PRDM15: variants seen among roughly 807,000 people sequenced by gnomAD.
PRDM15 encodes the protein PR domain zinc finger protein 15.
Under a neutral mutation model 128.6 loss-of-function variants are expected in PRDM15, and 64 were observed. The ratio of observed to expected loss-of-function variants is 0.50; its 90% CI spans 0.41 to 0.61. The LOEUF (loss-of-function observed/expected upper bound fraction) is 0.61, where lower values mean the gene tolerates loss of function less well. PRDM15 is among the 20% of genes least tolerant of loss of function. The pLI is 0.00. For missense variants in PRDM15, 1,242 were observed against 1,569.1 expected, an observed-to-expected ratio of 0.79 and a Z score of 3.52; for synonymous variants, 615 against 621.8, an observed-to-expected ratio of 0.99 and a Z score of 0.16.
At position 41,843,106 on chromosome 21, in the gene PRDM15, TG is replaced by T. The variant is rs2063124639; in HGVS notation, c.641-3254del. 4.0e-5 allele frequency among the ~76,000 whole-genome samples: 6 copies of T among 151,446 alleles called. No individual in the cohort carries two copies. In the South Asian group the frequency reaches 1.3e-3, roughly 32 times the overall value. Reference sequence around the variant, plus strand: ...GGCCTGATTTTTTTGTTTTTTTGTTTGTTTTTTTGTTTGTTTGTTTGTTTTA... The same window carrying T: ...GGCCTGATTTTTTTGTTTTTTTGTTTTTTTTTTGTTTGTTTGTTTGTTTTA... On this transcript the variant is annotated intron_variant, in intron 6 of 23. Coordinates refer to ENST00000398548, the MANE Select transcript of PRDM15 (RefSeq NM_001040424.3).
chr21:41,802,935 G>A lies in PRDM15; in HGVS notation c.2734-14C>T, dbSNP rs375875830. 149 of 1,611,964 alleles carry A rather than the reference G, an allele frequency of 9.2e-5. No homozygotes were observed. In the African/African-American group the frequency reaches 1.7e-3, roughly 18 times the overall value. The stretch of plus-strand genomic sequence containing the variant: ...AGTCAGCTCAGGCTGCAGAAAAATC[G>A]GTTTCAGCCGAGAACCAGGTTAGTC... On this transcript the variant is annotated splice_polypyrimidine_tract_variant and intron_variant, in intron 22 of 23. Transcript: ENST00000398548.
At position 41,868,694 on chromosome 21, in the gene PRDM15, C is replaced by CTTTTTTTTT. The variant is rs55653735; in HGVS notation, c.-9-8331_-9-8323dup. 1.7e-3 allele frequency among the ~76,000 whole-genome samples: 213 copies of CTTTTTTTTT among 125,130 alleles called. 2 individuals are homozygous for CTTTTTTTTT. Among genetic ancestry groups the CTTTTTTTTT allele is most frequent in the Middle Eastern group, 4.2e-3 (1 of 240 alleles). 82.1% of individuals were successfully genotyped at this position (125,130 alleles called of 152,430 possible). A position where few individuals can be genotyped will look rare whatever the true frequency, so the allele number is the denominator to read the frequency against. ...TTTGCCCATTTTCCTTTTTCTTTTT[C>CTTTTTTTTT]TTTTTTTTTTTTTTTTGAGATGGAG... On this transcript the variant is annotated intron_variant, in intron 1 of 23. Coordinates refer to ENST00000398548, the MANE Select transcript of PRDM15 (RefSeq NM_001040424.3).
At chr21:41,861,908 T>A in intron 1 of PRDM15, 1 of 1,611,478 alleles carries the variant, frequency 6.2e-7, no homozygotes, top group Non-Finnish European at 8.5e-7. Flanking sequence ...CTGTATCTTC[T>A]TTTCCTGGGA....
At chr21:41,861,573 T>C in intron 1 of PRDM15, 1 of 1,599,330 alleles carries the variant, frequency 6.3e-7, no homozygotes, top group Non-Finnish European at 8.5e-7. Flanking sequence ...CGGCATGTCC[T>C]TCCTGCAACC....
chr21:41,878,885 C>A, intron 1 of PRDM15: 1 of 957,364 alleles, frequency 1.0e-6, no homozygotes, highest in African/African-American at 1.8e-5. Flanking sequence ...CGGGCGAGCG[C>A]GGCCCGGCAG....
chr21:41,805,748 C>G (rs544471611), intron 21 of PRDM15, among the ~76,000 whole-genome samples: 78 of 151,854 alleles, frequency 5.1e-4, no homozygotes, highest in Admixed American at 1.3e-3. Context: ...TCATCATTAC[C>G]ACCTCTATCA....
intron 18 of PRDM15, among the ~76,000 whole-genome samples, chr21:41,819,085 G>T (rs1305559387): frequency 1.3e-5 from 2 of 152,214 alleles, no homozygotes; most frequent in Non-Finnish European, 2.9e-5. Context: ...ATTTGTTTGT[G>T]CCTTTAAATT....
At chr21:41,857,394 T>A in intron 3 of PRDM15, 65 bp from the exon 4 acceptor site, 2 of 1,571,564 alleles carry the variant, frequency 1.3e-6, no homozygotes, top group Non-Finnish European at 1.7e-6. Flanking sequence ...CTCGTTAAGA[T>A]AACCTAAAAG....
At chr21:41,878,673 G>A (rs1317917619) in intron 1 of PRDM15, 3 of 1,507,412 alleles carry the variant, frequency 2.0e-6, no homozygotes, top group Non-Finnish European at 8.9e-7. Flanking sequence ...TAAGGCGCAG[G>A]GGGTCTGGGA....
intron 7 of PRDM15, 48 bp downstream of exon 7, chr21:41,839,575 G>A (rs746353467): frequency 1.3e-6 from 2 of 1,552,070 alleles, no homozygotes; most frequent in African/African-American, 1.4e-5. Flanking sequence ...CGGGCGCCAG[G>A]AGGGCTGCGC....
intron 21 of PRDM15, among the ~76,000 whole-genome samples, chr21:41,807,384 T>A (rs928058328): frequency 6.6e-6 from 1 of 152,162 alleles, no homozygotes; most frequent in Non-Finnish European, 1.5e-5. Flanking sequence ...CTAGTTAAAT[T>A]AGTGTGACTC....
intron 18 of PRDM15, 136 bp from the exon 19 acceptor site, chr21:41,815,972 C>G (rs1736708679): frequency 9.3e-7 from 1 of 1,079,714 alleles, no homozygotes; most frequent in Non-Finnish European, 1.3e-6. Flanking sequence ...CCCCGAGGAT[C>G]CCGGTCAGTC....
At position 41,839,640 on chromosome 21, in the gene PRDM15, T is replaced by C; in HGVS notation, c.854A>G (p.Glu285Gly). 6.2e-7 allele frequency: 1 copy of C among 1,614,228 alleles called. No individual in the cohort carries two copies. Among genetic ancestry groups the C allele is most frequent in the Non-Finnish European group, 8.5e-7 (1 of 1,180,034 alleles). ...CTCATCACCTGTGGGTTCCTTGTCT[T>C]CCACGATGACTAGAGGCTGCTCAGC... ...SKAEQPLVIV[E>G]DKEPTEQVAE... The change falls in exon 7 of 24, where the codon GAA becomes GGA. Residue 285 changes from glutamate to glycine, a missense_variant. This residue lies in a region of PRDM15 where 612 missense variants were observed against 717.0 expected (regional missense o/e 0.85). Transcript: ENST00000398548.
At chr21:41,849,180 G>A (rs891020492) in intron 5 of PRDM15, among the ~76,000 whole-genome samples, 2 of 152,216 alleles carry the variant, frequency 1.3e-5, no homozygotes, top group African/African-American at 4.8e-5. Flanking sequence ...CAGTGGGCGC[G>A]GCTGACTGCA....
In PRDM15 at chr21:41,859,171, A is replaced by G. The variant is rs750022659; in HGVS notation, c.131+421T>C. The G allele has an allele frequency of 6.2e-6, 10 of 1,613,860 alleles. No homozygotes were observed. In the Admixed American group the frequency reaches 1.7e-4, roughly 27 times the overall value. ...GTGGGTCAGCCCTGTCCCTGTCCTC[A>G]TAACCCCGCATCCCCTGCCCCGCCT... On this transcript the variant is annotated intron_variant, in intron 3 of 23. Transcript: ENST00000398548. The surrounding 1 kb of genome is among the most constrained non-coding windows in gnomAD (Gnocchi z 5.3).
At chr21:41,863,969 G>A (rs916099743) in intron 1 of PRDM15, among the ~76,000 whole-genome samples, 7 of 151,836 alleles carry the variant, frequency 4.6e-5, no homozygotes, top group Middle Eastern at 3.2e-3. Context: ...TCAGCCTCCC[G>A]AGTAGCTGGG....
chr21:41,835,971 C>A (rs2146576667), intron 10 of PRDM15, 142 bp downstream of exon 10: 10 of 325,194 alleles, frequency 3.1e-5, no homozygotes, highest in Admixed American at 6.5e-5. Flanking sequence ...CAGCCCCCGC[C>A]CACTCTCCTC....
At position 41,820,997 on chromosome 21, in the gene PRDM15, T is replaced by C. The variant is rs1004850136; in HGVS notation, c.2060+70A>G. The C allele has an allele frequency of 2.7e-5, 42 of 1,584,850 alleles. No individual in the cohort carries two copies. The Admixed American group carries it at 6.3e-4, about 24-fold the overall frequency. Reference sequence around the variant, plus strand: ...AAGCTACAAATGGCTCCTTATAGCATGTGTCTCTTTGCAAGGAAGCATGTC... The same window carrying C: ...AAGCTACAAATGGCTCCTTATAGCACGTGTCTCTTTGCAAGGAAGCATGTC... On this transcript the variant is annotated intron_variant, in intron 16 of 23. Transcript: ENST00000398548.
At chr21:41,850,329 G>C (rs73219082) in intron 5 of PRDM15, among the ~76,000 whole-genome samples, 15,505 of 80,656 alleles carry the variant, frequency 0.19, 867 homozygotes, top group East Asian at 0.34. Context: ...CTCCTCCTGG[G>C]CCTCATGCTC....
Sources: gnomAD v4.1 joint callset for allele counts (sites outside exome capture counted in the v4.1 genomes callset) on GRCh38, gnomAD v4.1.1 for gene constraint, gnomAD v4.1.1 regional missense constraint, Gnocchi (gnomAD v3.1) non-coding constraint, MANE v1.5 for transcripts, NCBI Gene and HGNC (gene_info 2026-07-23, HGNC 2026-07-21) for gene names.